The following EXOC4 variants were observed in gnomAD, a reference collection of about 807,000 sequenced individuals.
EXOC4 encodes exocyst complex component 4.
Under a neutral mutation model 107.2 loss-of-function variants are expected in EXOC4, and 71 were observed. That is an observed-to-expected ratio of 0.66 (90% CI 0.55 to 0.81). The LOEUF is 0.81. EXOC4 is among the 30% of genes least tolerant of loss of function. The pLI is 0.00. For synonymous variants in EXOC4, 456 were observed against 441.2 expected (o/e 1.03, Z -0.42); for missense variants, 1,108 against 1,189.6 (o/e 0.93, Z 1.01).
At chr7:133,640,425 A>C in intron 10 of EXOC4, among the ~76,000 whole-genome samples, 1 of 152,332 alleles carries the variant, frequency 6.6e-6, no homozygotes, top group South Asian at 2.1e-4. Context: ...TATAAAATAT[A>C]ATATTTAATC....
chr7:133,292,930 G>A (rs1246321071), intron 3 of EXOC4, among the ~76,000 whole-genome samples: 1 of 152,028 alleles, frequency 6.6e-6, no homozygotes, highest in Non-Finnish European at 1.5e-5. Context: ...TTCTTCTCTG[G>A]TTATTTATTT....
intron 10 of EXOC4, among the ~76,000 whole-genome samples, chr7:133,641,883 A>G (rs1025386635): frequency 6.6e-6 from 1 of 152,206 alleles, no homozygotes; most frequent in Admixed American, 6.5e-5. Context: ...AAATGCATCT[A>G]AGTGAATCTA....
intron 1 of EXOC4, 170 bp downstream of exon 1, chr7:133,253,357 C>G: frequency 1.4e-6 from 2 of 1,404,322 alleles, no homozygotes; most frequent in South Asian, 3.4e-5. Context: ...AATTCCCCCT[C>G]CACCTTTTTT....
At chr7:133,969,691 G>A (rs1054581787) in intron 14 of EXOC4, among the ~76,000 whole-genome samples, 2 of 152,204 alleles carry the variant, frequency 1.3e-5, no homozygotes, top group Non-Finnish European at 2.9e-5. Flanking sequence ...AAAGATTGCT[G>A]CCTGTTCCTT....
chr7:134,035,196 C>A (rs1795361560), intron 17 of EXOC4, among the ~76,000 whole-genome samples: 1 of 151,842 alleles, frequency 6.6e-6, no homozygotes, highest in Non-Finnish European at 1.5e-5. Flanking sequence ...CAGGCATGCG[C>A]CACCATGCCT....
chr7:133,431,308 C>T (rs941588754), intron 7 of EXOC4, among the ~76,000 whole-genome samples: 1 of 152,160 alleles, frequency 6.6e-6, no homozygotes, highest in African/African-American at 2.4e-5. Flanking sequence ...TACATGTTTA[C>T]TGCTGAGGCT....
chr7:133,933,462 A>G (rs899340798), intron 13 of EXOC4, among the ~76,000 whole-genome samples: 1 of 152,124 alleles, frequency 6.6e-6, no homozygotes, highest in African/African-American at 2.4e-5. Flanking sequence ...TCTTTGAGCA[A>G]TTGCTGAGTG....
At chr7:133,319,325 T>G (rs1795058079) in intron 5 of EXOC4, among the ~76,000 whole-genome samples, 1 of 152,186 alleles carries the variant, frequency 6.6e-6, no homozygotes, top group Non-Finnish European at 1.5e-5. Context: ...TGATAGGCAC[T>G]TTATCTGTCA....
At chr7:133,970,296 T>G (rs1219661204) in intron 14 of EXOC4, among the ~76,000 whole-genome samples, 2 of 151,734 alleles carry the variant, frequency 1.3e-5, no homozygotes, top group Admixed American at 6.6e-5. Flanking sequence ...GGGGGTGGGA[T>G]CCGCTGAGCT....
At chr7:133,311,341 C>A (rs1794866716) in intron 4 of EXOC4, among the ~76,000 whole-genome samples, 1 of 151,974 alleles carries the variant, frequency 6.6e-6, no homozygotes, top group African/African-American at 2.4e-5. Flanking sequence ...GAAAACAGTG[C>A]AGACATGAAG....
At chr7:133,876,897 C>A (rs1359784496) in intron 11 of EXOC4, among the ~76,000 whole-genome samples, 2 of 151,814 alleles carry the variant, frequency 1.3e-5, no homozygotes, top group East Asian at 3.9e-4. Context: ...TTATTTGTGA[C>A]TTTCTATAGT....
intron 12 of EXOC4, among the ~76,000 whole-genome samples, chr7:133,913,588 T>A (rs142788565): frequency 3.3e-5 from 5 of 152,156 alleles, no homozygotes; most frequent in Admixed American, 6.5e-5. Flanking sequence ...CATTCCTGAG[T>A]TGAATAACAG....
At chr7:133,743,301 T>C (rs185389095) in intron 10 of EXOC4, among the ~76,000 whole-genome samples, 6 of 152,278 alleles carry the variant, frequency 3.9e-5, no homozygotes. Flanking sequence ...TTGAAGGCCC[T>C]GATTGAAGGG....
intron 5 of EXOC4, among the ~76,000 whole-genome samples, chr7:133,352,271 A>G (rs1466801846): frequency 1.3e-5 from 2 of 151,918 alleles, no homozygotes; most frequent in African/African-American, 4.8e-5. Context: ...AGGGTATTGA[A>G]GTCTTCAACT....
chr7:133,563,021 A>AT (rs1411737010), intron 9 of EXOC4, among the ~76,000 whole-genome samples: 1 of 152,152 alleles, frequency 6.6e-6, no homozygotes, highest in East Asian at 1.9e-4. Flanking sequence ...TTTCAGTGAC[A>AT]TTTTTTATTT....
intron 10 of EXOC4, among the ~76,000 whole-genome samples, chr7:133,704,450 A>G (rs1039062651): frequency 2.0e-5 from 3 of 152,252 alleles, no homozygotes; most frequent in Non-Finnish European, 4.4e-5. Context: ...TTTCAGTGCT[A>G]TAGAGAAACA....
intron 10 of EXOC4, among the ~76,000 whole-genome samples, chr7:133,692,794 C>A (rs2151078776): frequency 6.6e-6 from 1 of 152,274 alleles, no homozygotes; most frequent in South Asian, 2.1e-4. Context: ...TCCAACAGCA[C>A]CTTAACCTTT....
intron 11 of EXOC4, among the ~76,000 whole-genome samples, chr7:133,886,697 T>C (rs1289130716): frequency 6.6e-6 from 1 of 152,214 alleles, no homozygotes; most frequent in Non-Finnish European, 1.5e-5. Flanking sequence ...GTTTTGCTTA[T>C]TATAAAGTCA....
intron 7 of EXOC4, among the ~76,000 whole-genome samples, chr7:133,458,681 G>T (rs906990202): frequency 3.3e-5 from 5 of 152,154 alleles, no homozygotes; most frequent in Non-Finnish European, 7.3e-5. Context: ...AGACCTGATG[G>T]TGTCTTCTCA....
Sources: allele counts gnomAD v4.1 joint callset (sites outside exome capture counted in the v4.1 genomes callset), GRCh38; gene constraint gnomAD v4.1.1; transcripts MANE v1.5; gene names NCBI Gene and HGNC (gene_info 2026-07-23, HGNC 2026-07-21).